The following KIF26A variants were observed in gnomAD, a reference collection of about 807,000 sequenced individuals.
KIF26A encodes kinesin-like protein KIF26A.
A neutral mutation model predicts 126.0 loss-of-function variants in KIF26A; 74 were observed. The observed-to-expected ratio is 0.59, with a 90% CI of 0.49 to 0.71. The LOEUF (loss-of-function observed/expected upper bound fraction) is 0.71, where lower values mean the gene tolerates loss of function less well. Ranked by LOEUF, KIF26A falls within the 30% of genes least tolerant of loss-of-function variation. The pLI is 0.00. For missense variants in KIF26A, 2,984 were observed against 2,763.3 expected, an observed-to-expected ratio of 1.08 and a Z score of -1.79; for synonymous variants, 1,445 against 1,232.7, an observed-to-expected ratio of 1.17 and a Z score of -3.61.
At chr14:104,157,693 G>T in intron 3 of KIF26A, 62 bp from the exon 4 acceptor site, 1 of 1,528,424 alleles carries the variant, frequency 6.5e-7, no homozygotes, top group Admixed American at 1.9e-5. Context: ...CACTCCGGGT[G>T]CCAGGGGGCA....
intron 2 of KIF26A, among the ~76,000 whole-genome samples, chr14:104,143,364 C>T (rs541988558): frequency 4.5e-4 from 69 of 152,312 alleles, no homozygotes; most frequent in African/African-American, 1.6e-3. Flanking sequence ...GCCCTCCTAC[C>T]GCTCTGTGTG....
Position 104,176,528 on chromosome 14 carries a change from T to C in KIF26A, c.3740T>C (p.Val1247Ala). ...GLFEDPWLLR[V>A]GECDTQAASA... The stretch of plus-strand genomic sequence containing the variant: ...TTTGAGGACCCATGGCTGCTCCGGG[T>C]AGGGGAGTGTGATACCCAGGCAGCT... The change falls in exon 12 of 15, where the codon GTA becomes GCA. Residue 1247 changes from valine to alanine, a missense_variant. Transcript: ENST00000423312. 6.2e-7 allele frequency: 1 copy of C among 1,604,720 alleles called. No individual in the cohort carries two copies. Among genetic ancestry groups the C allele is most frequent in the Non-Finnish European group, 8.5e-7 (1 of 1,179,644 alleles).
chr14:104,173,659 C>T (rs758172188), intron 9 of KIF26A, 47 bp from the exon 10 acceptor site: 5 of 1,597,196 alleles, frequency 3.1e-6, no homozygotes, highest in Non-Finnish European at 4.3e-6. Flanking sequence ...GGAGCAGGAT[C>T]TGGGGGCCCC....
In KIF26A at chr14:104,151,720, C is replaced by T. The variant is rs905036118; in HGVS notation, c.289-295C>T. On this transcript the variant is annotated intron_variant, in intron 2 of 14. Transcript: ENST00000423312. This position sits in a 1 kb window ranked among gnomAD's most constrained non-coding sequence, Gnocchi z 4.9. ...CAGGCGGCCTTAGCTGACAGTGGTC[C>T]GGTTGTCCGGGAGCCGCAAACCTGC... Among the ~76,000 whole-genome samples the T allele has an allele frequency of 3.3e-5, 5 of 152,180 alleles. No individual in the cohort carries two copies. Among genetic ancestry groups the T allele is most frequent in the Admixed American group, 6.5e-5 (1 of 15,286 alleles).
In KIF26A at chr14:104,175,484, C is replaced by T. The variant is rs535826470; in HGVS notation, c.2696C>T (p.Pro899Leu). 3.1e-6 allele frequency: 5 copies of T among 1,593,424 alleles called. No homozygotes were observed. Among genetic ancestry groups the T allele is most frequent in the East Asian group, 2.2e-5 (1 of 44,516 alleles). The change falls in exon 12 of 15, where the codon CCT (proline) becomes CTT (leucine). Residue 899 changes from proline to leucine, a missense_variant. Coordinates refer to ENST00000423312, the MANE Select transcript of KIF26A (RefSeq NM_015656.2). ...AVGTPMAAST[P>L]RGSSGPDTHQ... ...GGCACCCCGATGGCTGCCAGCACCC[C>T]TCGAGGCAGTTCTGGTCCAGACACC...
chr14:104,175,169 G>C lies in KIF26A; in HGVS notation c.2381G>C (p.Gly794Ala), dbSNP rs1401904538. 6.2e-7 allele frequency: 1 copy of C among 1,606,732 alleles called. No homozygotes were observed. The highest frequency in any genetic ancestry group is 1.6e-4 in the Middle Eastern group (1 of 6,078). Residue 794 changes from glycine (G) to alanine (A), a missense_variant, in exon 12 of 15, where the codon GGG (glycine) becomes GCG (alanine). Physicochemically the swap from Gly to Ala is moderately conservative, Grantham distance 60. Coordinates refer to ENST00000423312, the MANE Select transcript of KIF26A (RefSeq NM_015656.2). ...TCCTGTGACACGGTCATCTACGTGG[G>C]GCCCGGTGGGGCGGCGCTGTCAGAC... ...EQSCDTVIYV[G>A]PGGAALSDRE...
chr14:104,165,468 TGGG>T (rs1201281803), intron 4 of KIF26A, among the ~76,000 whole-genome samples: 1 of 150,964 alleles, frequency 6.6e-6, no homozygotes, highest in Non-Finnish European at 1.5e-5. Flanking sequence ...CGTGTGTGTG[TGGG>T]CCTCTGTGTA....
At position 104,176,005 on chromosome 14, in the gene KIF26A, G is replaced by GTCAGCATCA. The variant is rs1421030667; in HGVS notation, c.3224_3232dup (p.Ile1075_Ser1077dup). ...GGCCCTGGCCTCGGGGTCCCGGCCA[G>GTCAGCATCA]TCAGCATCATCAGCAGCATCAATGA... On this transcript the variant is annotated inframe_insertion, in exon 12 of 15. Coordinates refer to ENST00000423312, the MANE Select transcript of KIF26A (RefSeq NM_015656.2). The GTCAGCATCA allele has an allele frequency of 1.9e-6, 3 of 1,586,792 alleles. No individual in the cohort carries two copies. The East Asian group carries it at 6.8e-5, about 36-fold the overall frequency.
At chr14:104,172,124 T>C (rs117922371) in intron 6 of KIF26A, among the ~76,000 whole-genome samples, 189 bp downstream of exon 6, 6,629 of 152,308 alleles carry the variant, frequency 0.044, 186 homozygotes, top group Non-Finnish European at 0.063. Context: ...GGTGTCTCCA[T>C]CCGCCCCTGC....
In KIF26A at chr14:104,175,044, G is replaced by T. The variant is rs756020951; in HGVS notation, c.2256G>T (p.Pro752=). The T allele has an allele frequency of 6.4e-7, 1 of 1,572,112 alleles. No homozygotes were observed. Among genetic ancestry groups the T allele is most frequent in the Middle Eastern group, 1.7e-4 (1 of 6,014 alleles). Reference sequence around the variant, plus strand: ...AGGAAGGCCGGGCCCGTCGGCCCCCGCACCTGCGGCCCTTCCACCCACGCA... The same window carrying T: ...AGGAAGGCCGGGCCCGTCGGCCCCCTCACCTGCGGCCCTTCCACCCACGCA... ...SCEEGRARRP[P]HLRPFHPRTV... The change falls in exon 12 of 15, where the codon CCG becomes CCT. Residue 752 remains proline, a synonymous_variant. Transcript: ENST00000423312.
intron 2 of KIF26A, among the ~76,000 whole-genome samples, chr14:104,143,579 C>G (rs1019040874): frequency 1.3e-5 from 2 of 152,244 alleles, no homozygotes; most frequent in Non-Finnish European, 2.9e-5. Flanking sequence ...AGCCCCCAGG[C>G]CTGTGATTTG....
At position 104,175,107 on chromosome 14, in the gene KIF26A, G is replaced by A; in HGVS notation, c.2319G>A (p.Leu773=). 6.2e-7 allele frequency: 1 copy of A among 1,604,612 alleles called. No individual in the cohort carries two copies. The highest frequency in any genetic ancestry group is 8.5e-7 in the Non-Finnish European group (1 of 1,176,828). Residue 773 remains leucine, a synonymous_variant, in exon 12 of 15, where the codon CTG becomes CTA. Coordinates refer to ENST00000423312, the MANE Select transcript of KIF26A (RefSeq NM_015656.2). Reference sequence around the variant, plus strand: ...ACCCCGACCGCACGCCTCCCTGCCTGCCCGGTGACCCCGATTACTCCTCCA... The same window carrying A: ...ACCCCGACCGCACGCCTCCCTGCCTACCCGGTGACCCCGATTACTCCTCCA... ...ALDPDRTPPC[L]PGDPDYSSSS...
rs772003696 is a variant in KIF26A, at chr14:104,157,898, G to A, written c.879G>A (p.Val293=). Residue 293 remains valine, a synonymous_variant, in exon 4 of 15, where the codon GTG becomes GTA. Coordinates refer to ENST00000423312, the MANE Select transcript of KIF26A (RefSeq NM_015656.2). The part of the protein sequence containing the change: ...SALVTPTPGS[V]GGSTGPSAAA... ...TGGTCACCCCCACCCCGGGCTCGGT[G>A]GGGGGCTCCACAGGCCCCTCAGCTG... 4.5e-6 allele frequency: 7 copies of A among 1,565,042 alleles called. No individual in the cohort carries two copies. Among genetic ancestry groups the A allele is most frequent in the Non-Finnish European group, 6.1e-6 (7 of 1,153,212 alleles).
rs1337574082 is a variant in KIF26A at position 104,151,353 on chromosome 14, C to T, written c.289-662C>T. 2.0e-5 allele frequency among the ~76,000 whole-genome samples: 3 copies of T among 151,504 alleles called. No homozygotes were observed. The highest frequency in any genetic ancestry group is 4.9e-5 in the African/African-American group (2 of 41,186). On this transcript the variant is annotated intron_variant, in intron 2 of 14. Transcript: ENST00000423312. This position sits in a 1 kb window ranked among gnomAD's most constrained non-coding sequence, Gnocchi z 4.9. ...AGTCACCAAACAGGGTGCATCCCAG[C>T]GTACAGCTCAGACCTGGGTGGGGGA... is the stretch of plus-strand genomic sequence containing the variant.
chr14:104,141,922 C>G (rs572964086), intron 2 of KIF26A, among the ~76,000 whole-genome samples: 1 of 152,208 alleles, frequency 6.6e-6, no homozygotes, highest in South Asian at 2.1e-4. Context: ...TGCATAGGTA[C>G]GTAGAGCAGT....
intron 3 of KIF26A, among the ~76,000 whole-genome samples, chr14:104,153,191 C>G (rs1168574526): frequency 6.6e-6 from 1 of 152,236 alleles, no homozygotes; most frequent in Admixed American, 6.5e-5. Context: ...GGTGAGGTGG[C>G]CTGTCTGGAC....
chr14:104,175,380 C>A lies in KIF26A; in HGVS notation c.2592C>A (p.Thr864=). Residue 864 remains threonine, a synonymous_variant, in exon 12 of 15, where the codon ACC becomes ACA. Coordinates refer to ENST00000423312, the MANE Select transcript of KIF26A (RefSeq NM_015656.2). ...NEGPSGGPGG[T]DGAQASPARG... is the part of the protein sequence containing the mutation. ...GTCCCTCAGGAGGTCCAGGTGGCAC[C>A]GACGGAGCTCAGGCCAGCCCCGCCC... The A allele has an allele frequency of 1.3e-6, 2 of 1,598,244 alleles. No individual in the cohort carries two copies. Among genetic ancestry groups the A allele is most frequent in the Non-Finnish European group, 1.7e-6 (2 of 1,177,034 alleles).
Position 104,175,921 on chromosome 14 carries a change from C to T in KIF26A, c.3133C>T (p.Leu1045Phe). ...GGTGGAGGAGCTGTCCCTGGGGGCG[C>T]TTGCCGGAGCTGGGCGGCCCACCAG... ...TVVEELSLGA[L>F]AGAGRPTSLA... is the part of the protein sequence containing the mutation. Residue 1045 changes from leucine (L) to phenylalanine (F), a missense_variant, in exon 12 of 15, where the codon CTT becomes TTT. Leu to Phe is a conservative substitution (Grantham distance 22). Transcript: ENST00000423312. 1 of 1,549,860 alleles carries T rather than the reference C, an allele frequency of 6.5e-7. No homozygotes were observed.
chr14:104,174,253 A>T lies in KIF26A; in HGVS notation c.2136A>T (p.Thr712=), dbSNP rs1021774102. The T allele has an allele frequency of 1.5e-5, 24 of 1,574,284 alleles. No individual in the cohort carries two copies. Among genetic ancestry groups the T allele is most frequent in the Admixed American group, 3.7e-5 (2 of 54,570 alleles). Residue 712 remains threonine (T), a synonymous_variant, in exon 11 of 15, where the codon ACA becomes ACT. Transcript: ENST00000423312. ...VSDAPAQHAE[T]LSTVQLAARI... The stretch of plus-strand genomic sequence containing the variant: ...ATGCGCCAGCCCAGCACGCAGAGAC[A>T]CTCAGCACCGTGCAGCTCGCCGCCC...
Sources: allele counts gnomAD v4.1 joint callset (sites outside exome capture counted in the v4.1 genomes callset), GRCh38; gene constraint gnomAD v4.1.1; non-coding constraint Gnocchi (gnomAD v3.1); transcripts MANE v1.5; gene names NCBI Gene and HGNC (gene_info 2026-07-23, HGNC 2026-07-21).